CCDC122: variants seen among roughly 807,000 people sequenced by gnomAD.
The protein encoded by CCDC122 is coiled-coil domain-containing protein 122.
CCDC122 carries 38 observed loss-of-function variants against 37.0 expected under a neutral mutation model. That is an observed-to-expected ratio of 1.03 (90% confidence interval 0.79 to 1.35). The LOEUF (loss-of-function observed/expected upper bound fraction) is 1.35, where lower values mean the gene tolerates loss of function less well. Among genes scored for constraint, CCDC122 ranks in the 40% most tolerant of loss-of-function variants. The probability of loss-of-function intolerance (pLI) is 0.00; values close to 1 mark genes in which losing one functional copy is unlikely to be tolerated. For synonymous variants in CCDC122, 83 were observed against 95.6 expected (o/e 0.87, Z 0.77); for missense variants, 305 against 310.0 (o/e 0.98, Z 0.12).
downstream of CCDC122, among the ~76,000 whole-genome samples, chr13:43,835,481 G>A (rs1412499691): frequency 6.6e-6 from 1 of 152,006 alleles, no homozygotes; most frequent in Non-Finnish European, 1.5e-5. Context: ...AGAACAAGGA[G>A]AAAAAGTTTC....
At chr13:43,823,096 G>A (rs745568770), downstream of CCDC122, among the ~76,000 whole-genome samples, 22 of 152,138 alleles carry the variant, frequency 1.4e-4, no homozygotes, top group Non-Finnish European at 3.1e-4. Context: ...GGCCCATGGT[G>A]TACTACCTGG....
At chr13:43,848,934 A>T in intron 6 of CCDC122, 1 of 974,662 alleles carries the variant, frequency 1.0e-6, no homozygotes, top group Non-Finnish European at 1.2e-6. Context: ...TTGGTATTGG[A>T]ATTCACCTTC....
At chr13:43,824,160 A>T (rs1171476394) in intron 3 of CCDC122, 1 of 152,252 alleles carries the variant, frequency 6.6e-6, no homozygotes, top group African/African-American at 2.4e-5. Flanking sequence ...TGAAAAGCAC[A>T]TGTAAACTGA....
intron 6 of CCDC122, chr13:43,858,532 G>A (rs924270275): frequency 1.0e-5 from 2 of 192,796 alleles, no homozygotes; most frequent in African/African-American, 4.7e-5. Context: ...AAACCTGGAA[G>A]AACCCTCGCC....
chr13:43,870,465 T>C (rs1201962849), intron 2 of CCDC122, among the ~76,000 whole-genome samples: 1 of 152,122 alleles, frequency 6.6e-6, no homozygotes, highest in Non-Finnish European at 1.5e-5. Flanking sequence ...CTTTAATATA[T>C]CTACCTTGAA....
At chr13:43,830,178 G>T (rs979829477) in intron 3 of CCDC122, among the ~76,000 whole-genome samples, 1 of 151,970 alleles carries the variant, frequency 6.6e-6, no homozygotes, top group South Asian at 2.1e-4. Flanking sequence ...GCCCAACCTG[G>T]CTTGCTTTTC....
At chr13:43,875,510 C>T (rs191530286) in intron 1 of CCDC122, among the ~76,000 whole-genome samples, 162 of 152,226 alleles carry the variant, frequency 1.1e-3, no homozygotes, top group Middle Eastern at 3.4e-3. Context: ...ATGGCCAGAC[C>T]ATATGTAAAA....
chr13:43,871,839 T>G (rs538755023), intron 2 of CCDC122, among the ~76,000 whole-genome samples: 36 of 152,252 alleles, frequency 2.4e-4, no homozygotes, highest in African/African-American at 8.4e-4. Context: ...CTCTCTAGTT[T>G]CTTTGAAATT....
intron 4 of CCDC122, among the ~76,000 whole-genome samples, chr13:43,863,694 T>C (rs1226672942): frequency 2.0e-5 from 3 of 152,032 alleles, no homozygotes; most frequent in African/African-American, 7.2e-5. Context: ...TGTGTGTGTG[T>C]GTGTGTGTGC....
At chr13:43,848,629 A>G in intron 6 of CCDC122, 1 of 164,670 alleles carries the variant, frequency 6.1e-6, no homozygotes, top group Non-Finnish European at 1.3e-5. Context: ...CATTTAGGGA[A>G]TAAATATTTG....
At chr13:43,874,979 A>C (rs1594864384) in intron 1 of CCDC122, 52 bp from the exon 2 acceptor site, 1 of 152,350 alleles carries the variant, frequency 6.6e-6, no homozygotes, top group Non-Finnish European at 1.5e-5. Context: ...CTCCTTATCC[A>C]AGATAATAAT....
exon 4 of CCDC122, chr13:43,823,945 G>T (rs1953015768): frequency 6.6e-6 from 1 of 152,246 alleles, no homozygotes; most frequent in South Asian, 2.1e-4. Context: ...CTTGAGTATA[G>T]TTAGAATTTG....
chr13:43,875,923 T>G (rs1954595967), intron 1 of CCDC122, among the ~76,000 whole-genome samples: 1 of 152,234 alleles, frequency 6.6e-6, no homozygotes, highest in African/African-American at 2.4e-5. Context: ...TGTTCTCATT[T>G]GATTGATCTT....
At chr13:43,865,044 G>C (rs1242560295) in intron 4 of CCDC122, among the ~76,000 whole-genome samples, 4 of 152,160 alleles carry the variant, frequency 2.6e-5, no homozygotes, top group Non-Finnish European at 5.9e-5. Flanking sequence ...GGAGCGCCCA[G>C]AGACAGCATA....
At chr13:43,834,970 A>G (rs1953127585), downstream of CCDC122, among the ~76,000 whole-genome samples, 1 of 152,228 alleles carries the variant, frequency 6.6e-6, no homozygotes, top group Admixed American at 6.5e-5. Flanking sequence ...GTATATACCC[A>G]AAGGATTATA....
downstream of CCDC122, among the ~76,000 whole-genome samples, chr13:43,831,548 A>C (rs984931209): frequency 1.4e-4 from 21 of 152,180 alleles, no homozygotes; most frequent in African/African-American, 4.6e-4. Context: ...TGGAGTAGAT[A>C]ATGTGTCTTG....
chr13:43,868,268 C>A (rs533155441), intron 4 of CCDC122, among the ~76,000 whole-genome samples: 40 of 152,164 alleles, frequency 2.6e-4, no homozygotes, highest in African/African-American at 9.6e-4. Flanking sequence ...AAATTCCCTG[C>A]AGTAGGATTA....
chr13:43,851,707 C>A (rs370785816), intron 6 of CCDC122, among the ~76,000 whole-genome samples: 1 of 152,318 alleles, frequency 6.6e-6, no homozygotes, highest in East Asian at 1.9e-4. Context: ...TTGGCTGACA[C>A]AACCCATCTG....
At chr13:43,869,122 T>A (rs1954366051) in intron 3 of CCDC122, among the ~76,000 whole-genome samples, 1 of 152,036 alleles carries the variant, frequency 6.6e-6, no homozygotes, top group African/African-American at 2.4e-5. Context: ...AACAACTCTA[T>A]AGCAATTAGA....
Sources: allele counts gnomAD v4.1 joint callset (sites outside exome capture counted in the v4.1 genomes callset), GRCh38; gene constraint gnomAD v4.1.1; transcripts MANE v1.5; gene names NCBI Gene and HGNC (gene_info 2026-07-23, HGNC 2026-07-21).